The following LRRC7 variants were observed in gnomAD, a reference collection of about 807,000 sequenced individuals.
The protein encoded by LRRC7 is leucine-rich repeat-containing protein 7.
Under a neutral mutation model 175.7 loss-of-function variants are expected in LRRC7, and 23 were observed. The ratio of observed to expected loss-of-function variants is 0.13; its 90% CI spans 0.09 to 0.19. The LOEUF (loss-of-function observed/expected upper bound fraction) is 0.19. Among genes scored for constraint, LRRC7 ranks in the 10% least tolerant of loss-of-function variants. LRRC7 has a pLI of 1.00. For synonymous variants in LRRC7, 685 were observed against 680.9 expected, an observed-to-expected ratio of 1.01 and a Z score of -0.09; for missense variants, 1,354 against 1,904.7, an observed-to-expected ratio of 0.71 and a Z score of 5.38.
At chr1:69,588,441 C>T (rs1218129850) in intron 1 of LRRC7, among the ~76,000 whole-genome samples, 1 of 151,942 alleles carries the variant, frequency 6.6e-6, no homozygotes, top group Non-Finnish European at 1.5e-5. Context: ...GTGAGCAGGC[C>T]TATATTCTAA....
chr1:69,761,451 G>A (rs1671023806), intron 3 of LRRC7, among the ~76,000 whole-genome samples: 1 of 151,948 alleles, frequency 6.6e-6, no homozygotes, highest in Admixed American at 6.6e-5. Flanking sequence ...AAGATCAAAT[G>A]TAGAATTATA....
At chr1:70,089,610 A>G in intron 24 of LRRC7, 117 bp from the exon 25 acceptor site, 1 of 654,510 alleles carries the variant, frequency 1.5e-6, no homozygotes, top group East Asian at 3.0e-5. Flanking sequence ...TCAACTCAAC[A>G]TAGGCTAACC....
At chr1:70,027,184 A>G (rs986486491) in intron 17 of LRRC7, among the ~76,000 whole-genome samples, 1 of 152,142 alleles carries the variant, frequency 6.6e-6, no homozygotes, top group Non-Finnish European at 1.5e-5. Flanking sequence ...AGTTGATTCT[A>G]CTCAGATGCA....
chr1:70,018,852 T>C (rs1557991914), intron 15 of LRRC7, 34 bp downstream of exon 15: 5 of 1,483,678 alleles, frequency 3.4e-6, no homozygotes, highest in Admixed American at 1.7e-5. Flanking sequence ...TCTCTACTTA[T>C]AATGATTATG....
Position 70,138,962 on chromosome 1 carries a change from TTA to T in LRRC7, c.*17077_*17078del, listed in dbSNP as rs1666968943. On this transcript the variant is annotated 3_prime_UTR_variant, in exon 27 of 27. Transcript: ENST00000651989. ...GGCATAGCTGCTCGTGAAGACCCTA[TTA>T]TGTTTTATTTGCCTATCGGAGAAAG... 6.6e-6 allele frequency: 1 copy of T among 152,202 alleles called. No homozygotes were observed. Among genetic ancestry groups the T allele is most frequent in the African/African-American group, 2.4e-5 (1 of 41,456 alleles). The allele number at this position is 152,202 out of a possible 1,614,324, so 9.4% of individuals were successfully genotyped here.
At chr1:69,791,593 G>T (rs1281212614) in intron 3 of LRRC7, among the ~76,000 whole-genome samples, 1 of 151,982 alleles carries the variant, frequency 6.6e-6, no homozygotes, top group East Asian at 1.9e-4. Context: ...CCAGTTTATT[G>T]CAGTTTTTGC....
At chr1:69,663,617 C>T (rs1257250314) in intron 1 of LRRC7, among the ~76,000 whole-genome samples, 3 of 151,628 alleles carry the variant, frequency 2.0e-5, no homozygotes, top group African/African-American at 4.8e-5. Flanking sequence ...CCCTCCCTAC[C>T]TCTTCCCCTA....
At chr1:70,060,335 A>C (rs868818675) in intron 23 of LRRC7, among the ~76,000 whole-genome samples, 15 of 148,828 alleles carry the variant, frequency 1.0e-4, no homozygotes, top group South Asian at 2.1e-4. Flanking sequence ...CACCCCCCCA[A>C]AAAAAAATCA....
rs61782602 is a variant in LRRC7, at chr1:69,919,586, C to T, written c.648-11921C>T. ...CTCGACCTGGCGGCAGGAAATCACC[C>T]GGACCAAGGAGGAGGCCCTGGAGCT... On this transcript the variant is annotated intron_variant, in intron 7 of 26. Transcript: ENST00000651989. 4.7e-3 allele frequency: 3,810 copies of T among 809,310 alleles called. 30 individuals carry two copies. The highest frequency in any genetic ancestry group is 0.02 in the African/African-American group (1,186 of 59,784). 50.1% of individuals were successfully genotyped at this position (809,310 alleles called of 1,614,324 possible). A position where few individuals can be genotyped will look rare whatever the true frequency, so the allele number is the denominator to read the frequency against.
chr1:69,600,800 CTTTTTT>C (rs59212223), intron 1 of LRRC7, among the ~76,000 whole-genome samples: 3 of 64,896 alleles, frequency 4.6e-5, no homozygotes, highest in African/African-American at 1.9e-4. Context: ...TCTCTGGTTT[CTTTTTT>C]TTTTTTTTTT....
chr1:69,831,311 A>G (rs959207312), intron 5 of LRRC7, among the ~76,000 whole-genome samples: 1 of 152,054 alleles, frequency 6.6e-6, no homozygotes, highest in Non-Finnish European at 1.5e-5. Context: ...TTAAATTCCA[A>G]TTGAAATGTA....
intron 7 of LRRC7, among the ~76,000 whole-genome samples, chr1:69,885,900 G>A (rs1366884368): frequency 1.9e-5 from 2 of 104,322 alleles, no homozygotes; most frequent in African/African-American, 7.2e-5. Flanking sequence ...GGAGCAGTTT[G>A]TTCAGTTTCC....
intron 3 of LRRC7, among the ~76,000 whole-genome samples, chr1:69,767,676 G>A (rs1488488697): frequency 1.3e-5 from 2 of 152,020 alleles, no homozygotes; most frequent in Non-Finnish European, 2.9e-5. Context: ...TGTACAAGCT[G>A]TTCTCAAACT....
chr1:69,853,270 C>CTTTTT (rs1163071175), intron 7 of LRRC7, among the ~76,000 whole-genome samples: 160 of 88,030 alleles, frequency 1.8e-3, no homozygotes, highest in South Asian at 2.2e-3. Context: ...TCCTTTCTTT[C>CTTTTT]TTTTTTTTTT....
At chr1:69,951,155 A>G (rs1649877099) in intron 8 of LRRC7, among the ~76,000 whole-genome samples, 1 of 152,084 alleles carries the variant, frequency 6.6e-6, no homozygotes. Context: ...AAAAGAAGAC[A>G]TACATGCGGC....
chr1:70,028,469 T>A, intron 18 of LRRC7, 98 bp downstream of exon 18: 1 of 1,044,008 alleles, frequency 9.6e-7, no homozygotes, highest in Non-Finnish European at 1.4e-6. Flanking sequence ...TAAGTGCATT[T>A]TTTTCCTAAA....
At chr1:70,038,000 G>C in intron 20 of LRRC7, 113 bp from the exon 21 acceptor site, 1 of 1,297,590 alleles carries the variant, frequency 7.7e-7, no homozygotes, top group Non-Finnish European at 1.1e-6. Context: ...AGTCAGGTGA[G>C]GATTATTGAT....
chr1:69,796,011 C>A (rs1246605284), intron 4 of LRRC7, among the ~76,000 whole-genome samples: 11 of 150,854 alleles, frequency 7.3e-5, no homozygotes, highest in African/African-American at 2.2e-4. Context: ...GCACAACGTG[C>A]AGGTTTTGTT....
In LRRC7 at chr1:70,126,618, A is replaced by G. The variant is rs1185830565; in HGVS notation, c.*4731A>G. On this transcript the variant is annotated 3_prime_UTR_variant, in exon 27 of 27. Transcript: ENST00000651989. ...ATTTCCCATCACCCACCAACACCAT[A>G]CCCAAAGAATACATTATAGCAAGAA... Among the ~76,000 whole-genome samples, 1 of 152,086 alleles carries G rather than the reference A, an allele frequency of 6.6e-6. No individual in the cohort carries two copies. Among genetic ancestry groups the G allele is most frequent in the East Asian group, 1.9e-4 (1 of 5,194 alleles).
Sources: gnomAD v4.1 joint callset for allele counts (sites outside exome capture counted in the v4.1 genomes callset) on GRCh38, gnomAD v4.1.1 for gene constraint, MANE v1.5 for transcripts, NCBI Gene and HGNC (gene_info 2026-07-23, HGNC 2026-07-21) for gene names.